SGPP2: variants seen among roughly 807,000 people sequenced by gnomAD.
SGPP2 encodes sphingosine 1-phosphate phosphohydrolase 2.
Under a neutral mutation model 33.9 loss-of-function variants are expected in SGPP2, and 30 were observed. The observed-to-expected ratio is 0.89, with a 90% CI of 0.66 to 1.20. The LOEUF (loss-of-function observed/expected upper bound fraction) is 1.20. Among genes scored for constraint, SGPP2 ranks in the 50% most tolerant of loss-of-function variants. SGPP2 has a pLI of 0.00. For missense variants in SGPP2, 458 were observed against 532.1 expected, an observed-to-expected ratio of 0.86 and a Z score of 1.37; for synonymous variants, 233 against 225.0, an observed-to-expected ratio of 1.04 and a Z score of -0.32.
intron 2 of SGPP2, among the ~76,000 whole-genome samples, chr2:222,489,628 G>A (rs1559158944): frequency 6.6e-6 from 1 of 152,046 alleles, no homozygotes; most frequent in South Asian, 2.1e-4. Context: ...GTCCTACAGG[G>A]CAGTCAAAAG....
At chr2:222,433,262 A>G (rs1697185059) in intron 1 of SGPP2, among the ~76,000 whole-genome samples, 1 of 152,208 alleles carries the variant, frequency 6.6e-6, no homozygotes, top group Non-Finnish European at 1.5e-5. Context: ...TTAGGAAAGA[A>G]GCTGGCTGTG....
rs749344769 is a variant in SGPP2 at position 222,474,562 on chromosome 2, T to C, written c.220-6T>C. The C allele has an allele frequency of 6.2e-7, 1 of 1,612,698 alleles. No individual in the cohort carries two copies. On this transcript the variant is annotated splice_region_variant and splice_polypyrimidine_tract_variant and intron_variant, in intron 1 of 4. Transcript: ENST00000321276. ...CTCACAGAGTCTTCTAACTTTTGTC[T>C]TTTAGGCTTATGTACAGAAGTACGT...
intron 2 of SGPP2, among the ~76,000 whole-genome samples, chr2:222,480,672 T>G (rs1180815388): frequency 6.6e-6 from 1 of 152,246 alleles, no homozygotes; most frequent in Non-Finnish European, 1.5e-5. Flanking sequence ...GTTGCTCAAT[T>G]ATTTTCTCAG....
intron 4 of SGPP2, among the ~76,000 whole-genome samples, chr2:222,541,194 C>T (rs1698991459): frequency 6.6e-6 from 1 of 152,204 alleles, no homozygotes; most frequent in Admixed American, 6.5e-5. Context: ...TGGATGCCCA[C>T]TTTCGTGTTT....
At chr2:222,432,586 C>G (rs1697172828) in intron 1 of SGPP2, among the ~76,000 whole-genome samples, 1 of 152,158 alleles carries the variant, frequency 6.6e-6, no homozygotes, top group Non-Finnish European at 1.5e-5. Flanking sequence ...CTCAGCAAGT[C>G]TGAATGCAAG....
At chr2:222,488,513 T>C (rs1019952213) in intron 2 of SGPP2, among the ~76,000 whole-genome samples, 4 of 152,186 alleles carry the variant, frequency 2.6e-5, no homozygotes, top group African/African-American at 7.2e-5. Flanking sequence ...CTCACCCCTA[T>C]CTGCAGAAAA....
At chr2:222,444,603 G>A (rs938413350) in intron 1 of SGPP2, among the ~76,000 whole-genome samples, 3 of 152,170 alleles carry the variant, frequency 2.0e-5, no homozygotes, top group African/African-American at 7.2e-5. Context: ...GACATATGCA[G>A]GAAAAGGACA....
At position 222,477,499 on chromosome 2, in the gene SGPP2, GT is replaced by G. The variant is rs1374496545; in HGVS notation, c.378+2776del. Reference sequence around the variant, plus strand: ...TGTGTGTATATAGGTGTGTATATATGTTTATGTGTATATATATGTCTGTGTA... The same window carrying G: ...TGTGTGTATATAGGTGTGTATATATGTTATGTGTATATATATGTCTGTGTA... On this transcript the variant is annotated intron_variant, in intron 2 of 4. Coordinates refer to ENST00000321276, the MANE Select transcript of SGPP2 (RefSeq NM_152386.4). This position sits in a 1 kb window ranked among gnomAD's most constrained non-coding sequence, Gnocchi z 6.0. Among the ~76,000 whole-genome samples the G allele has an allele frequency of 2.0e-5, 3 of 151,682 alleles. No homozygotes were observed. The highest frequency in any genetic ancestry group is 2.9e-5 in the Non-Finnish European group (2 of 67,882).
rs550851140 is a variant in SGPP2 at position 222,528,354 on chromosome 2, A to AT, written c.648+3331dup. 9.7e-3 allele frequency among the ~76,000 whole-genome samples: 1,451 copies of AT among 150,054 alleles called. 9 individuals are homozygous for AT. Among genetic ancestry groups the AT allele is most frequent in the Middle Eastern group, 0.069 (20 of 290 alleles). ...ATATCACAATCAAGCAAGTCACACA[A>AT]TTTTTTTTTTGTTTCTCAGTGCATA... On this transcript the variant is annotated intron_variant, in intron 4 of 4. Coordinates refer to ENST00000321276, the MANE Select transcript of SGPP2 (RefSeq NM_152386.4).
intron 2 of SGPP2, among the ~76,000 whole-genome samples, chr2:222,482,204 A>T (rs1698039436): frequency 1.3e-5 from 2 of 152,180 alleles, no homozygotes. Flanking sequence ...AGAAACAGAG[A>T]CCCACTCAAG....
At chr2:222,440,950 A>T (rs780317953) in intron 1 of SGPP2, among the ~76,000 whole-genome samples, 1 of 152,248 alleles carries the variant, frequency 6.6e-6, no homozygotes, top group Admixed American at 6.5e-5. Context: ...TGCCTGCTGC[A>T]TGACTCTAGC....
At chr2:222,462,258 A>G (rs1697673507) in intron 1 of SGPP2, among the ~76,000 whole-genome samples, 1 of 152,158 alleles carries the variant, frequency 6.6e-6, no homozygotes, top group South Asian at 2.1e-4. Context: ...GCAGGGTAGA[A>G]AGAGGTCCAT....
chr2:222,558,491 CCT>C lies in SGPP2; in HGVS notation c.794_795del (p.Pro265ArgfsTer3), dbSNP rs1322261173. On this transcript the variant is annotated frameshift_variant, in exon 5 of 5. Coordinates refer to ENST00000321276, the MANE Select transcript of SGPP2 (RefSeq NM_152386.4). LOFTEE classifies it high-confidence loss of function. ...VVPFFLCYNY[P>X]VSDYYSPTRA... ...GCCATTCTTCCTGTGTTACAATTACCCTGTTTCTGATTACTACAGCCCAACCC... is the reference window on the plus strand; with the variant it reads ...GCCATTCTTCCTGTGTTACAATTACCGTTTCTGATTACTACAGCCCAACCC... 6.2e-7 allele frequency: 1 copy of C among 1,614,150 alleles called. No homozygotes were observed.
chr2:222,440,933 C>T (rs1697316575), intron 1 of SGPP2, among the ~76,000 whole-genome samples: 1 of 152,212 alleles, frequency 6.6e-6, no homozygotes, highest in Non-Finnish European at 1.5e-5. Flanking sequence ...CTTTTTCACA[C>T]ATTTCATGCC....
chr2:222,515,360 G>A (rs150633000), intron 2 of SGPP2, among the ~76,000 whole-genome samples: 2,298 of 151,914 alleles, frequency 0.015, 50 homozygotes, highest in African/African-American at 0.052. Context: ...ATGGAGTCTC[G>A]CTCTGTCACC....
chr2:222,463,835 A>C (rs1188468948), intron 1 of SGPP2, among the ~76,000 whole-genome samples: 1 of 152,236 alleles, frequency 6.6e-6, no homozygotes, highest in Non-Finnish European at 1.5e-5. Flanking sequence ...TTTATGCCTG[A>C]ATAATTTTCT....
chr2:222,515,001 C>G (rs1185309763), intron 2 of SGPP2, among the ~76,000 whole-genome samples: 1 of 151,720 alleles, frequency 6.6e-6, no homozygotes, highest in Non-Finnish European at 1.5e-5. Context: ...ATTCATCAAC[C>G]CATTCAGCAT....
intron 4 of SGPP2, among the ~76,000 whole-genome samples, chr2:222,545,999 C>T (rs1689189091): frequency 6.6e-6 from 1 of 152,188 alleles, no homozygotes; most frequent in Admixed American, 6.5e-5. Flanking sequence ...CAGCTATGCT[C>T]TGAAAATTAG....
chr2:222,538,803 C>T (rs1231008006), intron 4 of SGPP2, among the ~76,000 whole-genome samples: 1 of 152,042 alleles, frequency 6.6e-6, no homozygotes. Flanking sequence ...GACCAGATCT[C>T]GTGAGAACTC....
Sources: allele counts gnomAD v4.1 joint callset (sites outside exome capture counted in the v4.1 genomes callset), GRCh38; gene constraint gnomAD v4.1.1; non-coding constraint Gnocchi (gnomAD v3.1); transcripts MANE v1.5; gene names NCBI Gene and HGNC (gene_info 2026-07-23, HGNC 2026-07-21).